The following CLSTN1 variants were observed in gnomAD, a reference collection of about 807,000 sequenced individuals.
CLSTN1 encodes the protein calsyntenin-1.
A neutral mutation model predicts 108.3 loss-of-function variants in CLSTN1; 28 were observed. The observed-to-expected ratio is 0.26, with a 90% CI of 0.19 to 0.35. CLSTN1 has a LOEUF of 0.35. Ranked by LOEUF, CLSTN1 falls within the 10% of genes least tolerant of loss-of-function variation. The probability of loss-of-function intolerance (pLI) is 1.00; values close to 1 mark genes in which losing one functional copy is unlikely to be tolerated. For synonymous variants in CLSTN1, 524 were observed against 534.9 expected, an observed-to-expected ratio of 0.98 and a Z score of 0.28; for missense variants, 1,157 against 1,302.6, an observed-to-expected ratio of 0.89 and a Z score of 1.72.
chr1:9,753,493 ATT>A (rs112701748), intron 4 of CLSTN1, among the ~76,000 whole-genome samples: 2 of 143,198 alleles, frequency 1.4e-5, no homozygotes, highest in Non-Finnish European at 1.5e-5. Flanking sequence ...GCAGTGACTA[ATT>A]TTTTTTTTTT....
rs771512664 is a variant in CLSTN1 at position 9,749,862 on chromosome 1, T to G, written c.701A>C (p.Lys234Thr). 1.2e-6 allele frequency: 2 copies of G among 1,613,962 alleles called. No homozygotes were observed. Among genetic ancestry groups the G allele is most frequent in the Non-Finnish European group, 1.7e-6 (2 of 1,179,854 alleles). Residue 234 changes from lysine to threonine, a missense_variant, in exon 6 of 19, where the codon AAG (lysine) becomes ACG (threonine). Lys to Thr is a moderately conservative substitution (Grantham distance 78). Coordinates refer to ENST00000377298, the MANE Select transcript of CLSTN1 (RefSeq NM_001009566.3). ...KLNYGKEHQYKLTVTAYDCGK... is the reference protein window; with the variant it reads ...KLNYGKEHQYTLTVTAYDCGK... ...ACAGTCATAGGCAGTGACGGTCAGC[T>G]TATATTGATGTTCTTTCCCGTAGTT...
Position 9,823,518 on chromosome 1 carries a change from C to T in CLSTN1, c.91+125G>A. ...TCGGACCCGACTCCCCGCATCCCGG[C>T]TCGAATCCCGGCATCCGGCCCTACT... is the stretch of plus-strand genomic sequence containing the variant. On this transcript the variant is annotated intron_variant, in intron 1 of 18. Coordinates refer to ENST00000377298, the MANE Select transcript of CLSTN1 (RefSeq NM_001009566.3). This position sits in a 1 kb window ranked among gnomAD's most constrained non-coding sequence, Gnocchi z 6.3. The T allele has an allele frequency of 1.9e-6, 1 of 515,726 alleles. No individual in the cohort carries two copies. The highest frequency in any genetic ancestry group is 2.6e-6 in the Non-Finnish European group (1 of 384,464). The allele number at this position is 515,726 out of a possible 1,614,324, so 31.9% of individuals were successfully genotyped here.
rs370503460 is a variant in CLSTN1 at position 9,731,926 on chromosome 1, G to T, written c.2428-30C>A. ...AGCAGAGAAAGAGAGGATCGCTGGA[G>T]ACAGGCATCCTGAGCCTGTCCAAGA... On this transcript the variant is annotated intron_variant, in intron 16 of 18. Coordinates refer to ENST00000377298, the MANE Select transcript of CLSTN1 (RefSeq NM_001009566.3). 6.8e-6 allele frequency: 11 copies of T among 1,613,684 alleles called. No homozygotes were observed. The African/African-American group carries it at 1.5e-4, about 22-fold the overall frequency.
At chr1:9,805,153 T>G (rs1441228590) in intron 1 of CLSTN1, among the ~76,000 whole-genome samples, 1 of 152,096 alleles carries the variant, frequency 6.6e-6, no homozygotes, top group Admixed American at 6.6e-5. Flanking sequence ...CAAGGGGCAA[T>G]GTAAACTATG....
chr1:9,799,574 G>A (rs1654161423), intron 1 of CLSTN1, among the ~76,000 whole-genome samples: 1 of 151,342 alleles, frequency 6.6e-6, no homozygotes, highest in Non-Finnish European at 1.5e-5. Context: ...CCGGGAGGCA[G>A]ACTATGCAGT....
At chr1:9,764,250 C>A (rs1317142719) in intron 2 of CLSTN1, among the ~76,000 whole-genome samples, 1 of 151,836 alleles carries the variant, frequency 6.6e-6, no homozygotes, top group Non-Finnish European at 1.5e-5. Context: ...CACCACCTCA[C>A]CCCCATAGCC....
At position 9,733,678 on chromosome 1, in the gene CLSTN1, T is replaced by C. The variant is rs1650527789; in HGVS notation, c.2282-132A>G. 3 of 1,079,380 alleles carry C rather than the reference T, an allele frequency of 2.8e-6. No homozygotes were observed. In the South Asian group the frequency reaches 4.4e-5, roughly 16 times the overall value. The allele number at this position is 1,079,380 out of a possible 1,614,324, so 66.9% of individuals were successfully genotyped here. A position where few individuals can be genotyped will look rare whatever the true frequency, so the allele number is the denominator to read the frequency against. ...AGGCCAAGGGGTCACACAAGTTGGC[T>C]TTCTAGCCATGGGAATAAATGCAAT... On this transcript the variant is annotated intron_variant, in intron 15 of 18. Coordinates refer to ENST00000377298, the MANE Select transcript of CLSTN1 (RefSeq NM_001009566.3).
At position 9,823,829 on chromosome 1, in the gene CLSTN1, C is replaced by A; in HGVS notation, c.-96G>T. 1.8e-6 allele frequency: 1 copy of A among 545,034 alleles called. No individual in the cohort carries two copies. The highest frequency in any genetic ancestry group is 7.6e-5 in the South Asian group (1 of 13,108). 33.8% of individuals were successfully genotyped at this position (545,034 alleles called of 1,614,324 possible). A position where few individuals can be genotyped will look rare whatever the true frequency, so the allele number is the denominator to read the frequency against. On this transcript the variant is annotated 5_prime_UTR_variant, in exon 1 of 19. Coordinates refer to ENST00000377298, the MANE Select transcript of CLSTN1 (RefSeq NM_001009566.3). The surrounding 1 kb of genome is among the most constrained non-coding windows in gnomAD (Gnocchi z 6.3). ...TCTAGGGGCCTGGGGCTAGCTGCTC[C>A]GCGGCGCGGGGAGCTCCGGGGGTCC... is the stretch of plus-strand genomic sequence containing the variant.
At chr1:9,735,817 C>A in intron 12 of CLSTN1, 68 bp downstream of exon 12, 1 of 1,585,058 alleles carries the variant, frequency 6.3e-7, no homozygotes, top group Non-Finnish European at 8.6e-7. Flanking sequence ...ACTCCCTCAT[C>A]CCACCAGCCT....
At chr1:9,746,939 G>A (rs1206746481) in intron 7 of CLSTN1, among the ~76,000 whole-genome samples, 1 of 151,972 alleles carries the variant, frequency 6.6e-6, no homozygotes, top group Non-Finnish European at 1.5e-5. Flanking sequence ...CAGCACTTTG[G>A]GAGGCCGAGG....
chr1:9,781,289 TAA>T (rs1653232882), intron 1 of CLSTN1: 1 of 685,390 alleles, frequency 1.5e-6, no homozygotes, highest in Non-Finnish European at 2.6e-6. Flanking sequence ...CAAGAGGATT[TAA>T]AGATTGCACT....
intron 1 of CLSTN1, among the ~76,000 whole-genome samples, chr1:9,775,433 G>A (rs965902133): frequency 3.3e-5 from 5 of 151,816 alleles, no homozygotes; most frequent in Non-Finnish European, 7.4e-5. Context: ...TTTTCTGGCC[G>A]CTGCTGACCT....
intron 1 of CLSTN1, among the ~76,000 whole-genome samples, chr1:9,779,721 C>G (rs1396369531): frequency 2.0e-5 from 3 of 152,110 alleles, no homozygotes; most frequent in African/African-American, 7.3e-5. Flanking sequence ...GCTACAACAT[C>G]CAGCTCAGGT....
intron 1 of CLSTN1, among the ~76,000 whole-genome samples, chr1:9,811,091 C>T (rs182890370): frequency 3.9e-5 from 6 of 152,090 alleles, no homozygotes; most frequent in African/African-American, 1.4e-4. Flanking sequence ...TAAACTTTAC[C>T]AAATGAATCT....
intron 7 of CLSTN1, among the ~76,000 whole-genome samples, chr1:9,745,366 T>TG (rs1447455063): frequency 6.6e-6 from 1 of 151,870 alleles, no homozygotes; most frequent in East Asian, 1.9e-4. Context: ...CTTAGAAAAA[T>TG]GGAGTCCTGG....
intron 1 of CLSTN1, among the ~76,000 whole-genome samples, chr1:9,780,074 C>T (rs1023312757): frequency 2.0e-5 from 3 of 151,984 alleles, no homozygotes; most frequent in Admixed American, 6.6e-5. Flanking sequence ...AGGCTGGTCT[C>T]GAACTTCAGA....
intron 1 of CLSTN1, among the ~76,000 whole-genome samples, chr1:9,778,852 T>A (rs1653093138): frequency 7.0e-6 from 1 of 142,284 alleles, no homozygotes; most frequent in Non-Finnish European, 1.5e-5. Flanking sequence ...CCGTCTGTAC[T>A]AAAAAAAAAA....
intron 9 of CLSTN1, 106 bp downstream of exon 9, chr1:9,743,778 G>A (rs1651100823): frequency 9.2e-6 from 12 of 1,310,556 alleles, no homozygotes; most frequent in Admixed American, 6.1e-5. Context: ...GGCTGGTCTC[G>A]AACCCCTGGG....
chr1:9,820,656 T>A (rs1655158275), intron 1 of CLSTN1, among the ~76,000 whole-genome samples: 1 of 152,200 alleles, frequency 6.6e-6, no homozygotes. Flanking sequence ...CTGTTATCCA[T>A]CCACCCATTC....
Sources: allele counts gnomAD v4.1 joint callset (sites outside exome capture counted in the v4.1 genomes callset), GRCh38; gene constraint gnomAD v4.1.1; non-coding constraint Gnocchi (gnomAD v3.1); transcripts MANE v1.5; gene names NCBI Gene and HGNC (gene_info 2026-07-23, HGNC 2026-07-21).